PNISR: variants seen among roughly 807,000 people sequenced by gnomAD.
The protein encoded by PNISR is arginine/serine-rich protein PNISR.
PNISR carries 20 observed loss-of-function variants against 93.4 expected under a neutral mutation model. The observed-to-expected ratio is 0.21, with a 90% CI of 0.15 to 0.31. PNISR has a LOEUF of 0.31. Ranked by LOEUF, PNISR falls within the 10% of genes least tolerant of loss-of-function variation. The pLI is 1.00. For synonymous variants in PNISR, 305 were observed against 306.5 expected, an observed-to-expected ratio of 0.99 and a Z score of 0.05; for missense variants, 893 against 985.4, an observed-to-expected ratio of 0.91 and a Z score of 1.25.
In PNISR at chr6:99,406,105, T is replaced by G; in HGVS notation, c.928A>C (p.Arg310=). 1 of 1,609,016 alleles carries G rather than the reference T, an allele frequency of 6.2e-7. No individual in the cohort carries two copies. The change falls in exon 8 of 12, where the codon AGA becomes CGA. Residue 310 remains arginine, a synonymous_variant. Transcript: ENST00000369239. ...VEAASSGKVT[R]SPSPVPQEEH... ...TCTTGAGGAACTGGGGATGGACTTC[T>G]GGTGACTTTCCCACTACTTGCAGCC...
intron 1 of PNISR, 85 bp downstream of exon 1, chr6:99,425,130 T>A (rs1779329116): frequency 4.3e-6 from 4 of 937,980 alleles, no homozygotes; most frequent in Middle Eastern, 3.8e-4. Flanking sequence ...CAGCCTATTT[T>A]AAGTTATGCT....
At position 99,399,000 on chromosome 6, in the gene PNISR, G is replaced by A. The variant is rs1775160700; in HGVS notation, c.*1540C>T. Reference sequence around the variant, plus strand: ...ATTTCCTTTAGATAAATGTGTAACTGCTCAAAATTATATAATAATCTATGT... The same window carrying A: ...ATTTCCTTTAGATAAATGTGTAACTACTCAAAATTATATAATAATCTATGT... On this transcript the variant is annotated 3_prime_UTR_variant, in exon 12 of 12. Transcript: ENST00000369239. The A allele has an allele frequency of 6.6e-6, 1 of 152,014 alleles. No homozygotes were observed. Among genetic ancestry groups the A allele is most frequent in the South Asian group, 2.1e-4 (1 of 4,826 alleles). The allele number at this position is 152,014 out of a possible 1,614,324, so 9.4% of individuals were successfully genotyped here. A position where few individuals can be genotyped will look rare whatever the true frequency, so the allele number is the denominator to read the frequency against.
At chr6:99,422,928 ACCC>A (rs1033447838) in intron 1 of PNISR, among the ~76,000 whole-genome samples, 2 of 148,998 alleles carry the variant, frequency 1.3e-5, no homozygotes, top group Non-Finnish European at 3.0e-5. Flanking sequence ...GGTTATAAAT[ACCC>A]CCCCAATAAT....
Position 99,401,457 on chromosome 6 carries a change from C to T in PNISR, c.1501G>A (p.Glu501Lys), listed in dbSNP as rs577397043. The change falls in exon 12 of 12, where the codon GAA (glutamate) becomes AAA (lysine). Residue 501 changes from glutamate (E) to lysine (K), a missense_variant. Coordinates refer to ENST00000369239, the MANE Select transcript of PNISR (RefSeq NM_032870.4). ...SVLEPKKEHK[E>K]KEKQGRSRSG... ...CTACTCCTTCCTTGTTTTTCTTTTT[C>T]TTTATGCTCTTTTTTTGGTTCTAAA... The T allele has an allele frequency of 1.9e-6, 3 of 1,609,528 alleles. No individual in the cohort carries two copies. In the Admixed American group the frequency reaches 5.1e-5, roughly 27 times the overall value.
At chr6:99,411,896 G>A (rs1214175339) in intron 4 of PNISR, 1 of 177,730 alleles carries the variant, frequency 5.6e-6, no homozygotes, top group Non-Finnish European at 1.2e-5. Flanking sequence ...GTATTAATAG[G>A]GAAAGGAGGT....
At position 99,422,843 on chromosome 6, in the gene PNISR, C is replaced by T. The variant is rs116226453; in HGVS notation, c.-112+2372G>A. ...GAGCCAAGATTGTGCCACCACTGCACTCCGGTCTGGGAAACAGAGTGACAC... is the reference window on the plus strand; with the variant it reads ...GAGCCAAGATTGTGCCACCACTGCATTCCGGTCTGGGAAACAGAGTGACAC... On this transcript the variant is annotated intron_variant, in intron 1 of 11. Transcript: ENST00000369239. Among the ~76,000 whole-genome samples, 1,116 of 142,562 alleles carry T rather than the reference C, an allele frequency of 7.8e-3. 16 individuals carry two copies. The highest frequency in any genetic ancestry group is 0.028 in the African/African-American group (1,058 of 38,184). 93.5% of individuals were successfully genotyped at this position (142,562 alleles called of 152,430 possible).
At chr6:99,418,596 A>C (rs1778055782) in intron 1 of PNISR, among the ~76,000 whole-genome samples, 1 of 152,180 alleles carries the variant, frequency 6.6e-6, no homozygotes, top group East Asian at 1.9e-4. Flanking sequence ...TTCTTCCCCA[A>C]AGTTTTGATG....
intron 9 of PNISR, 97 bp downstream of exon 9, chr6:99,404,506 C>G (rs773008916): frequency 1.3e-6 from 1 of 750,524 alleles, no homozygotes; most frequent in Non-Finnish European, 2.5e-6. Flanking sequence ...ATTCAAATAT[C>G]TGGTAGAAAT....
chr6:99,400,389 A>G lies in PNISR; in HGVS notation c.*151T>C. The G allele has an allele frequency of 1.7e-6, 2 of 1,170,608 alleles. No individual in the cohort carries two copies. The highest frequency in any genetic ancestry group is 2.2e-6 in the Non-Finnish European group (2 of 924,868). 72.5% of individuals were successfully genotyped at this position (1,170,608 alleles called of 1,614,324 possible). On this transcript the variant is annotated 3_prime_UTR_variant, in exon 12 of 12. Transcript: ENST00000369239. Reference sequence around the variant, plus strand: ...AAAAATCTGCAATTTTAAATAAATAATATTATATAGGATTTCTAACATTTA... The same window carrying G: ...AAAAATCTGCAATTTTAAATAAATAGTATTATATAGGATTTCTAACATTTA...
At chr6:99,407,654 T>C (rs558905629) in intron 7 of PNISR, among the ~76,000 whole-genome samples, 21 of 152,328 alleles carry the variant, frequency 1.4e-4, no homozygotes, top group African/African-American at 3.6e-4. Flanking sequence ...TGAGGAAGAT[T>C]TGAAGACTTA....
intron 1 of PNISR, chr6:99,424,978 CTG>C: frequency 8.4e-6 from 3 of 358,844 alleles, no homozygotes; most frequent in Non-Finnish European, 9.9e-6. Context: ...AGAGGAAACT[CTG>C]TGAGAAGATG....
rs141229733 is a variant in PNISR at position 99,400,674 on chromosome 6, A to G, written c.2284T>C (p.Ser762Pro). Residue 762 changes from serine (S) to proline (P), a missense_variant, in exon 12 of 12, where the codon TCT becomes CCT. Around this residue, in one of 3 missense-constraint regions of PNISR, gnomAD observed 866 missense variants for 935.1 expected, o/e 0.93. Coordinates refer to ENST00000369239, the MANE Select transcript of PNISR (RefSeq NM_032870.4). ...TCTTTGCTACTTCCTGGAGACTCAG[A>G]ACTGCTCCTTCCACTAGAATCAGAG... ...SGSDSSGRSS[S>P]ESPGSSKEKK... The G allele has an allele frequency of 3.2e-4, 514 of 1,614,060 alleles. 2 individuals are homozygous for G. The African/African-American group carries it at 6.1e-3, about 19-fold the overall frequency.
chr6:99,403,267 G>C (rs1027653156), intron 10 of PNISR: 1 of 152,182 alleles, frequency 6.6e-6, no homozygotes, highest in African/African-American at 2.4e-5. Flanking sequence ...AATTTGAAAT[G>C]AAGATGTGGA....
In PNISR at chr6:99,414,557, A is replaced by T; in HGVS notation, c.88+15T>A. The T allele has an allele frequency of 2.8e-6, 4 of 1,413,852 alleles. No individual in the cohort carries two copies. Among genetic ancestry groups the T allele is most frequent in the Non-Finnish European group, 4.0e-6 (4 of 999,746 alleles). The allele number at this position is 1,413,852 out of a possible 1,614,324, so 87.6% of individuals were successfully genotyped here. ...TATCCAACCCCGCCCTTTCAAATTC[A>T]ATTTGTTTCCTTACTTGGATCCTGT... On this transcript the variant is annotated intron_variant, in intron 3 of 11. Transcript: ENST00000369239.
intron 1 of PNISR, among the ~76,000 whole-genome samples, chr6:99,420,636 A>T (rs576419735): frequency 1.3e-5 from 2 of 152,228 alleles, no homozygotes; most frequent in African/African-American, 2.4e-5. Flanking sequence ...CAATGGATAC[A>T]TATTTTAAAT....
rs1562240972 is a variant in PNISR at position 99,409,261 on chromosome 6, G to GGGAGGTGCT, written c.576_584dup (p.Ala193_Pro195dup). ...ATGATGGCCTTTCTCTTCGATTCTG[G>GGGAGGTGCT]GGAGGTGCTGGAGGTCCTGGAGGTC... On this transcript the variant is annotated inframe_insertion, in exon 6 of 12. Transcript: ENST00000369239. The GGGAGGTGCT allele has an allele frequency of 1.2e-6, 2 of 1,613,976 alleles. No homozygotes were observed. The highest frequency in any genetic ancestry group is 1.7e-5 in the Admixed American group (1 of 59,994).
In PNISR at chr6:99,425,211, T is replaced by G; in HGVS notation, c.-112+4A>C. 1 of 1,231,726 alleles carries G rather than the reference T, an allele frequency of 8.1e-7. No homozygotes were observed. The highest frequency in any genetic ancestry group is 1.6e-5 in the African/African-American group (1 of 64,508). The allele number at this position is 1,231,726 out of a possible 1,614,324, so 76.3% of individuals were successfully genotyped here. A position where few individuals can be genotyped will look rare whatever the true frequency, so the allele number is the denominator to read the frequency against. On this transcript the variant is annotated splice_donor_region_variant and intron_variant, in intron 1 of 11. Coordinates refer to ENST00000369239, the MANE Select transcript of PNISR (RefSeq NM_032870.4). ...CCCACGTATAATTGTTCTCCATCAC[T>G]TACCCACTCTAGTTCGGGAACACCC...
chr6:99,409,982 G>A (rs1776697369), intron 5 of PNISR: 2 of 152,096 alleles, frequency 1.3e-5, no homozygotes, highest in African/African-American at 4.8e-5. Flanking sequence ...ACAAGTATCT[G>A]AATATTTATT....
At chr6:99,423,266 A>G (rs1403337726) in intron 1 of PNISR, among the ~76,000 whole-genome samples, 2 of 152,224 alleles carry the variant, frequency 1.3e-5, no homozygotes, top group Non-Finnish European at 2.9e-5. Context: ...ATTATAATAT[A>G]AGTTATGTAA....
Sources: allele counts gnomAD v4.1 joint callset (sites outside exome capture counted in the v4.1 genomes callset), GRCh38; gene constraint gnomAD v4.1.1; regional missense constraint gnomAD v4.1.1; transcripts MANE v1.5; gene names NCBI Gene and HGNC (gene_info 2026-07-23, HGNC 2026-07-21).